CNTN5: variants seen among roughly 807,000 people sequenced by gnomAD.
CNTN5 encodes the protein contactin-5.
In CNTN5, 77 loss-of-function variants were observed where a neutral mutation model predicts 129.1. The ratio of observed to expected loss-of-function variants is 0.60; its 90% CI spans 0.50 to 0.72. The LOEUF (loss-of-function observed/expected upper bound fraction) is 0.72. Among genes scored for constraint, CNTN5 ranks in the 30% least tolerant of loss-of-function variants. The pLI is 0.00. For synonymous variants in CNTN5, 509 were observed against 465.6 expected, an observed-to-expected ratio of 1.09 and a Z score of -1.20; for missense variants, 1,478 against 1,328.8, an observed-to-expected ratio of 1.11 and a Z score of -1.75.
chr11:99,997,429 C>T (rs1260075824), intron 8 of CNTN5, among the ~76,000 whole-genome samples: 1 of 152,182 alleles, frequency 6.6e-6, no homozygotes, highest in African/African-American at 2.4e-5. Flanking sequence ...TTCCTCGACA[C>T]ATACACTCTC....
chr11:99,421,062 A>C (rs1245892094), intron 2 of CNTN5, among the ~76,000 whole-genome samples: 1 of 151,926 alleles, frequency 6.6e-6, no homozygotes, highest in Non-Finnish European at 1.5e-5. Context: ...CATCAGAAAG[A>C]GCATGCAAAG....
intron 2 of CNTN5, among the ~76,000 whole-genome samples, chr11:99,378,550 A>C (rs1026990898): frequency 4.6e-5 from 7 of 152,200 alleles, no homozygotes; most frequent in South Asian, 4.1e-4. Flanking sequence ...TTGAGACTCT[A>C]TGATTCAAAA....
At chr11:100,074,399 A>G (rs1309152568) in intron 13 of CNTN5, 105 bp downstream of exon 13, 1 of 995,364 alleles carries the variant, frequency 1.0e-6, no homozygotes, top group Non-Finnish European at 1.5e-6. Context: ...CGTGAGACGT[A>G]TTTTATGAAC....
intron 2 of CNTN5, among the ~76,000 whole-genome samples, chr11:99,380,814 C>T (rs1032699751): frequency 7.0e-6 from 1 of 143,384 alleles, no homozygotes; most frequent in Admixed American, 6.9e-5. Context: ...GAAAAAGAAA[C>T]CCACAAATAC....
intron 3 of CNTN5, among the ~76,000 whole-genome samples, chr11:99,590,554 T>C (rs1949946804): frequency 6.6e-6 from 1 of 152,238 alleles, no homozygotes; most frequent in Admixed American, 6.5e-5. Context: ...TCATTGAATG[T>C]AAATCTGGAA....
chr11:100,160,262 A>G (rs759567713), intron 13 of CNTN5, among the ~76,000 whole-genome samples: 24 of 151,852 alleles, frequency 1.6e-4, no homozygotes, highest in Non-Finnish European at 3.2e-4. Context: ...CAACTTTTTT[A>G]TGGCTGCATA....
chr11:99,980,539 A>T (rs573259839), intron 8 of CNTN5, among the ~76,000 whole-genome samples: 1 of 152,316 alleles, frequency 6.6e-6, no homozygotes, highest in East Asian at 1.9e-4. Flanking sequence ...AAACAGAACT[A>T]GGACGATTTG....
chr11:99,426,863 T>C (rs1943143222), intron 2 of CNTN5, among the ~76,000 whole-genome samples: 1 of 152,198 alleles, frequency 6.6e-6, no homozygotes. Context: ...GTGTCCTTTT[T>C]AGACTCAGGA....
Position 99,873,989 on chromosome 11 carries a change from C to G in CNTN5, c.577+28727C>G, listed in dbSNP as rs562912349. Among the ~76,000 whole-genome samples the G allele has an allele frequency of 5.9e-5, 9 of 152,118 alleles. No homozygotes were observed. The South Asian group carries it at 1.9e-3, about 32-fold the overall frequency. The stretch of plus-strand genomic sequence containing the variant: ...GCAAATCAAATATTGCACATTCTCA[C>G]TTATAAGTGGGAGCTAAACAATGGG... On this transcript the variant is annotated intron_variant, in intron 6 of 24. Transcript: ENST00000524871.
intron 3 of CNTN5, among the ~76,000 whole-genome samples, chr11:99,679,513 T>C (rs930998472): frequency 1.3e-5 from 2 of 152,164 alleles, no homozygotes; most frequent in Non-Finnish European, 2.9e-5. Flanking sequence ...GTTACTATTG[T>C]AATTTTTTTG....
chr11:99,546,845 C>T (rs746632370), intron 2 of CNTN5, among the ~76,000 whole-genome samples: 5 of 152,024 alleles, frequency 3.3e-5, no homozygotes, highest in Admixed American at 6.6e-5. Flanking sequence ...CCCATTCTTA[C>T]GTTAAGATCT....
Position 100,341,154 on chromosome 11 carries a change from C to T in CNTN5, c.2979C>T (p.Gly993=). ...AGCAAGGCTCTCAGGTTTCTCTGGG[C>T]TGGGAACCCGTCATACCATTAGCCA... The part of the protein sequence containing the change: ...WEQQGSQVSL[G]WEPVIPLANE... Residue 993 remains glycine (G), a synonymous_variant, in exon 23 of 25, where the codon GGC becomes GGT. Coordinates refer to ENST00000524871, the MANE Select transcript of CNTN5 (RefSeq NM_014361.4). 1.2e-6 allele frequency: 2 copies of T among 1,613,856 alleles called. No individual in the cohort carries two copies. The highest frequency in any genetic ancestry group is 1.7e-6 in the Non-Finnish European group (2 of 1,179,778).
intron 1 of CNTN5, among the ~76,000 whole-genome samples, chr11:99,118,321 A>T (rs1858137542): frequency 6.6e-6 from 1 of 152,100 alleles, no homozygotes. Flanking sequence ...CATTTTGATG[A>T]TTACTAATAA....
intron 2 of CNTN5, among the ~76,000 whole-genome samples, chr11:99,485,251 A>G (rs1945763970): frequency 6.6e-6 from 1 of 152,222 alleles, no homozygotes; most frequent in East Asian, 1.9e-4. Flanking sequence ...TTTAAAAAAA[A>G]AAGGGAAGTG....
intron 13 of CNTN5, among the ~76,000 whole-genome samples, chr11:100,179,078 A>G (rs535288199): frequency 2.0e-5 from 3 of 152,128 alleles, no homozygotes; most frequent in Non-Finnish European, 2.9e-5. Flanking sequence ...GAACATTCCA[A>G]TTGTACTCCC....
chr11:99,828,345 G>A (rs1947033948), intron 4 of CNTN5, among the ~76,000 whole-genome samples: 2 of 152,174 alleles, frequency 1.3e-5, no homozygotes, highest in African/African-American at 4.8e-5. Flanking sequence ...GAACAGAAAT[G>A]TGTTGGCTCA....
At chr11:99,642,201 G>A (rs1951796180) in intron 3 of CNTN5, among the ~76,000 whole-genome samples, 1 of 152,084 alleles carries the variant, frequency 6.6e-6, no homozygotes. Flanking sequence ...GGAGAAAATG[G>A]CATGAATACA....
chr11:99,890,710 G>A (rs1395296440), intron 6 of CNTN5, among the ~76,000 whole-genome samples: 2 of 152,096 alleles, frequency 1.3e-5, no homozygotes, highest in African/African-American at 2.4e-5. Flanking sequence ...GCTTAAGTGT[G>A]GCATGTACTT....
At chr11:99,522,746 T>C (rs1187295245) in intron 2 of CNTN5, among the ~76,000 whole-genome samples, 6 of 152,228 alleles carry the variant, frequency 3.9e-5, no homozygotes, top group African/African-American at 1.4e-4. Context: ...CAGCTACTTT[T>C]AGGAAAGCTC....
Sources: gnomAD v4.1 joint callset for allele counts (sites outside exome capture counted in the v4.1 genomes callset) on GRCh38, gnomAD v4.1.1 for gene constraint, MANE v1.5 for transcripts, NCBI Gene and HGNC (gene_info 2026-07-23, HGNC 2026-07-21) for gene names.